Variants in PHKA2 observed in about 807,000 individuals in gnomAD.
The protein encoded by PHKA2 is phosphorylase kinase regulatory subunit alpha 2.
In PHKA2, 31 loss-of-function variants were observed where a neutral mutation model predicts 102.0. That is an observed-to-expected ratio of 0.30 (90% CI 0.23 to 0.41). PHKA2 has a LOEUF of 0.41. Ranked by LOEUF, PHKA2 falls within the 10% of genes least tolerant of loss-of-function variation. The probability of loss-of-function intolerance (pLI) is 1.00; values close to 1 mark genes in which losing one functional copy is unlikely to be tolerated. For missense variants in PHKA2, 858 were observed against 1,023.1 expected (o/e 0.84, Z 2.20); for synonymous variants, 455 against 416.2 (o/e 1.09, Z -1.13).
intron 4 of PHKA2, among the ~76,000 whole-genome samples, 200 bp from the exon 5 acceptor site, chrX:18,949,026 G>T (rs936224908): frequency 3.6e-5 from 4 of 111,635 alleles, no homozygotes; most frequent in African/African-American, 1.3e-4. Flanking sequence ...GGGAAGGAAG[G>T]AAAATAAGGA....
At position 18,900,968 on chromosome X, in the gene PHKA2, C is replaced by G. The variant is rs182707222; in HGVS notation, c.3028-269G>C. Among the ~76,000 whole-genome samples the G allele has an allele frequency of 3.9e-3, 434 of 109,912 alleles. 2 individuals are homozygous for G. The highest frequency in any genetic ancestry group is 0.014 in the African/African-American group (409 of 30,052). ...CACAGCACCCAGCACGTTAAGACTCCGATGTTGAGCTGTGGCCCTGTGCGG... is the reference window on the plus strand; with the variant it reads ...CACAGCACCCAGCACGTTAAGACTCGGATGTTGAGCTGTGGCCCTGTGCGG... On this transcript the variant is annotated intron_variant, in intron 27 of 32. Transcript: ENST00000379942.
At chrX:18,945,697 T>A (rs965435810) in intron 5 of PHKA2, among the ~76,000 whole-genome samples, 1 of 111,645 alleles carries the variant, frequency 9.0e-6, no homozygotes, top group Non-Finnish European at 1.9e-5. Context: ...ACCTACGTGG[T>A]ATTTACAAAC....
chrX:18,926,367 C>T (rs1437218666), intron 14 of PHKA2, 86 bp downstream of exon 14: 21 of 748,329 alleles, frequency 2.8e-5, no homozygotes, highest in East Asian at 2.2e-4. Flanking sequence ...TTAGAACTTA[C>T]GTATATCACA....
chrX:18,928,742 A>C (rs998574736), intron 13 of PHKA2, among the ~76,000 whole-genome samples: 3 of 112,494 alleles, frequency 2.7e-5, no homozygotes, highest in Non-Finnish European at 5.6e-5. Context: ...GAAGGGTGAA[A>C]TCACTTGGCT....
intron 31 of PHKA2, 31 bp from the exon 32 acceptor site, chrX:18,894,435 T>C (rs768897167): frequency 8.9e-7 from 1 of 1,127,064 alleles, no homozygotes; most frequent in Admixed American, 2.2e-5. Flanking sequence ...CAACCACCAG[T>C]GAGAGGACAG....
rs765752440 is a variant in PHKA2 at position 18,907,796 on chromosome X, G to C, written c.2517+104C>G. The C allele has an allele frequency of 4.4e-6, 4 of 900,008 alleles. No individual in the cohort carries two copies. The Admixed American group carries it at 6.7e-5, about 15-fold the overall frequency. The allele number at this position is 900,008 out of a possible 1,213,427, so 74.2% of individuals were successfully genotyped here. A position where few individuals can be genotyped will look rare whatever the true frequency, so the allele number is the denominator to read the frequency against. Reference sequence around the variant, plus strand: ...CGCTCCACCTGTGGGTTAAAGAATGGGGCTCCTTCACAAGTAAGAGGTATA... The same window carrying C: ...CGCTCCACCTGTGGGTTAAAGAATGCGGCTCCTTCACAAGTAAGAGGTATA... On this transcript the variant is annotated intron_variant, in intron 22 of 32. Transcript: ENST00000379942.
At chrX:18,979,813 ATAAT>A (rs1346131365) in intron 1 of PHKA2, among the ~76,000 whole-genome samples, 1 of 110,773 alleles carries the variant, frequency 9.0e-6, no homozygotes, top group Non-Finnish European at 1.9e-5. Flanking sequence ...TTAATATTAA[ATAAT>A]TTAATTAATT....
chrX:18,929,149 A>G (rs1418347141), intron 13 of PHKA2, 79 bp downstream of exon 13: 33 of 725,561 alleles, frequency 4.5e-5, no homozygotes, highest in Non-Finnish European at 6.5e-5. Flanking sequence ...AAAATTAAAT[A>G]AGAAACTAGG....
Position 18,943,805 on chromosome X carries a change from C to A in PHKA2, c.622G>T (p.Ala208Ser). 1 of 1,192,901 alleles carries A rather than the reference C, an allele frequency of 8.4e-7. No individual in the cohort carries two copies. Among genetic ancestry groups the A allele is most frequent in the Non-Finnish European group, 1.1e-6 (1 of 878,313 alleles). ...TCCAGTTCATCAATTGCCTCAAGAG[C>A]TGCCTACAAACACAGGTATGAGTTA... is the stretch of plus-strand genomic sequence containing the variant. ...NASSVGMAKA[A>S]LEAIDELDLF... The change falls in exon 7 of 33, where the codon GCT becomes TCT. Residue 208 changes from alanine (A) to serine (S), a missense_variant. By Grantham distance (99) the Ala-to-Ser change is moderately conservative (BLOSUM62 1). Around this residue, in one of 2 missense-constraint regions of PHKA2, gnomAD observed 187 missense variants for 277.9 expected, o/e 0.67. Transcript: ENST00000379942.
intron 3 of PHKA2, 32 bp from the exon 4 acceptor site, chrX:18,951,304 T>C: frequency 8.4e-7 from 1 of 1,187,347 alleles, no homozygotes; most frequent in Non-Finnish European, 1.1e-6. Flanking sequence ...CTCTGCATAG[T>C]TATGGGGGTT....
chrX:18,959,612 TTC>T (rs773791498), intron 1 of PHKA2, among the ~76,000 whole-genome samples: 1 of 111,699 alleles, frequency 9.0e-6, no homozygotes, highest in Non-Finnish European at 1.9e-5. Flanking sequence ...CATATAAATT[TTC>T]TCTGTTTACT....
In PHKA2 at chrX:18,894,324, C is replaced by T. The variant is rs138280296; in HGVS notation, c.3417G>A (p.Leu1139=). ...NRVPQPEYRQ[L]LVEAIMVLTL... ...TCAGCACCATGATGGCTTCCACCAG[C>T]AGCTGCCGGTACTCGGGCTGCGGCA... Residue 1139 remains leucine (L), a synonymous_variant, in exon 32 of 33, where the codon CTG becomes CTA. Coordinates refer to ENST00000379942, the MANE Select transcript of PHKA2 (RefSeq NM_000292.3). 5.0e-6 allele frequency: 6 copies of T among 1,209,986 alleles called. No individual in the cohort carries two copies. The highest frequency in any genetic ancestry group is 1.7e-5 in the African/African-American group (1 of 57,406).
intron 1 of PHKA2, among the ~76,000 whole-genome samples, chrX:18,970,155 C>T (rs758206315): frequency 5.3e-5 from 6 of 112,271 alleles, no homozygotes; most frequent in African/African-American, 1.9e-4. Flanking sequence ...GGGAGGATCA[C>T]TTGAGCCTGG....
At chrX:18,927,355 C>T (rs1474672056) in intron 13 of PHKA2, among the ~76,000 whole-genome samples, 1 of 112,129 alleles carries the variant, frequency 8.9e-6, no homozygotes, top group African/African-American at 3.2e-5. Flanking sequence ...TACCGCTGGC[C>T]TTTCTGAGAA....
intron 5 of PHKA2, among the ~76,000 whole-genome samples, chrX:18,945,981 G>A (rs781718655): frequency 2.8e-5 from 3 of 108,997 alleles, no homozygotes; most frequent in African/African-American, 6.7e-5. Context: ...GCTCAGGAGT[G>A]CAGTGGCGCG....
rs765452747 is a variant in PHKA2 at position 18,899,188 on chromosome X, A to C, written c.3096T>G (p.His1032Gln). Residue 1032 changes from histidine (H) to glutamine (Q), a missense_variant, in exon 29 of 33, where the codon CAT (histidine) becomes CAG (glutamine). Coordinates refer to ENST00000379942, the MANE Select transcript of PHKA2 (RefSeq NM_000292.3). ...GCACTGTTACCGCAGACTTGGAGGA[A>C]TGCGCACTGCTGGACGCGGCCTGGC... ...SVGQAASSSA[H>Q]SSKSARSSTP... 5.0e-6 allele frequency: 6 copies of C among 1,208,364 alleles called. No homozygotes were observed. Among genetic ancestry groups the C allele is most frequent in the Non-Finnish European group, 2.2e-6 (2 of 892,355 alleles).
chrX:18,909,359 T>C (rs1195876324), intron 20 of PHKA2, among the ~76,000 whole-genome samples: 2 of 111,960 alleles, frequency 1.8e-5, no homozygotes, highest in South Asian at 3.7e-4. Flanking sequence ...TCCCCAAATA[T>C]GCCAGATTGG....
chrX:18,894,092 A>T, intron 32 of PHKA2, 112 bp downstream of exon 32: 1 of 727,916 alleles, frequency 1.4e-6, no homozygotes. Context: ...TTTTTTCCCC[A>T]TCATCTGTGA....
chrX:18,910,858 T>A lies in PHKA2; in HGVS notation c.2226+14A>T. ...ACACCATACTTTTAAAAAAAGCTGT[T>A]CCATATACTTTACCTTTTCTAGGAG... On this transcript the variant is annotated intron_variant, in intron 20 of 32. Coordinates refer to ENST00000379942, the MANE Select transcript of PHKA2 (RefSeq NM_000292.3). 9.3e-7 allele frequency: 1 copy of A among 1,073,578 alleles called. No individual in the cohort carries two copies. Among genetic ancestry groups the A allele is most frequent in the South Asian group, 1.9e-5 (1 of 54,035 alleles). 88.5% of individuals were successfully genotyped at this position (1,073,578 alleles called of 1,213,427 possible). A position where few individuals can be genotyped will look rare whatever the true frequency, so the allele number is the denominator to read the frequency against.
Sources: gnomAD v4.1 joint callset for allele counts (sites outside exome capture counted in the v4.1 genomes callset) on GRCh38, gnomAD v4.1.1 for gene constraint, gnomAD v4.1.1 regional missense constraint, MANE v1.5 for transcripts, NCBI Gene and HGNC (gene_info 2026-07-23, HGNC 2026-07-21) for gene names.